Variants in TENM4 observed in about 807,000 individuals in gnomAD.
The protein encoded by TENM4 is teneurin-4.
In TENM4, 82 loss-of-function variants were observed where a neutral mutation model predicts 243.3. That is an observed-to-expected ratio of 0.34 (90% CI 0.28 to 0.40). The LOEUF (loss-of-function observed/expected upper bound fraction) is 0.40. Ranked by LOEUF, TENM4 falls within the 10% of genes least tolerant of loss-of-function variation. TENM4 has a pLI of 1.00. For synonymous variants in TENM4, 1,412 were observed against 1,456.3 expected (o/e 0.97, Z 0.69); for missense variants, 3,138 against 3,673.3 (o/e 0.85, Z 3.77).
At chr11:78,999,043 A>C (rs1201574541) in intron 6 of TENM4, among the ~76,000 whole-genome samples, 1 of 152,224 alleles carries the variant, frequency 6.6e-6, no homozygotes, top group Admixed American at 6.5e-5. Context: ...CATCTGGCTC[A>C]AACACATGGA....
intron 12 of TENM4, among the ~76,000 whole-genome samples, chr11:78,840,156 G>A (rs979738185): frequency 6.6e-6 from 1 of 152,156 alleles, no homozygotes; most frequent in Non-Finnish European, 1.5e-5. Context: ...TCTCCCAAAT[G>A]CAAGCTTTCC....
intron 4 of TENM4, among the ~76,000 whole-genome samples, chr11:79,102,375 C>T (rs922989226): frequency 6.6e-6 from 1 of 152,210 alleles, no homozygotes; most frequent in Admixed American, 6.5e-5. Flanking sequence ...CTTGTTCAAC[C>T]ATGGGCTGGT....
intron 4 of TENM4, among the ~76,000 whole-genome samples, chr11:79,095,187 C>T (rs1348526346): frequency 2.0e-5 from 3 of 152,176 alleles, no homozygotes; most frequent in Non-Finnish European, 4.4e-5. Context: ...GCCCTAGAGC[C>T]AGCCTTCACT....
intron 4 of TENM4, among the ~76,000 whole-genome samples, chr11:79,102,286 G>C (rs1861252035): frequency 6.6e-6 from 1 of 152,194 alleles, no homozygotes; most frequent in Non-Finnish European, 1.5e-5. Flanking sequence ...GGAAAGCTGG[G>C]TTAGACACTT....
intron 1 of TENM4, among the ~76,000 whole-genome samples, chr11:79,328,927 C>T (rs1275332996): frequency 6.6e-6 from 1 of 152,108 alleles, no homozygotes; most frequent in African/African-American, 2.4e-5. Flanking sequence ...TGGGCTGACT[C>T]CAGAGATTCT....
intron 6 of TENM4, among the ~76,000 whole-genome samples, chr11:78,993,622 T>A (rs1010070213): frequency 6.6e-6 from 1 of 152,194 alleles, no homozygotes; most frequent in Non-Finnish European, 1.5e-5. Context: ...TTCATGAAAC[T>A]TTTTATTCCA....
chr11:79,163,308 T>C (rs148740387), intron 3 of TENM4, among the ~76,000 whole-genome samples: 150 of 152,250 alleles, frequency 9.9e-4, no homozygotes, highest in Middle Eastern at 6.8e-3. Context: ...AATCCTATGC[T>C]GTAAACTCAT....
intron 9 of TENM4, 102 bp from the exon 10 acceptor site, chr11:78,863,234 T>A (rs1858869755): frequency 7.9e-7 from 1 of 1,271,128 alleles, no homozygotes; most frequent in Non-Finnish European, 1.0e-6. Flanking sequence ...ACACAGGCAT[T>A]CAGTTCAGTT....
intron 12 of TENM4, among the ~76,000 whole-genome samples, chr11:78,823,159 A>G (rs1435676148): frequency 6.6e-6 from 1 of 152,202 alleles, no homozygotes; most frequent in Non-Finnish European, 1.5e-5. Context: ...GCTCTTCAAG[A>G]GCACTAGGCC....
chr11:78,790,861 G>A (rs983022353), intron 15 of TENM4, among the ~76,000 whole-genome samples: 4 of 152,138 alleles, frequency 2.6e-5, no homozygotes, highest in Non-Finnish European at 4.4e-5. Context: ...AATGAAATGA[G>A]GTCCTCTACA....
rs552115985 is a variant in TENM4, at chr11:78,724,751, T to C, written c.3550+1328A>G. On this transcript the variant is annotated intron_variant, in intron 23 of 33. Transcript: ENST00000278550. ...AAGGCAGCTACATCCACGACTAAGT[T>C]CTTGCAATGGCATGTAAGTAAAAGT... 6.6e-5 allele frequency among the ~76,000 whole-genome samples: 10 copies of C among 152,324 alleles called. No individual in the cohort carries two copies. In the South Asian group the frequency reaches 1.7e-3, roughly 25 times the overall value.
At chr11:79,040,333 A>G (rs1485696964) in intron 6 of TENM4, among the ~76,000 whole-genome samples, 2 of 152,172 alleles carry the variant, frequency 1.3e-5, no homozygotes, top group African/African-American at 4.8e-5. Context: ...CTCAGTTTCA[A>G]CCACTATTCC....
chr11:78,805,547 C>A, intron 14 of TENM4, 55 bp from the exon 15 acceptor site: 2 of 1,537,904 alleles, frequency 1.3e-6, no homozygotes, highest in Non-Finnish European at 8.7e-7. Context: ...AAAGGTGAGG[C>A]TTCTTTAAGC....
chr11:79,151,291 T>G (rs1205051375), intron 3 of TENM4, among the ~76,000 whole-genome samples: 1 of 152,206 alleles, frequency 6.6e-6, no homozygotes, highest in East Asian at 1.9e-4. Flanking sequence ...CTGTGGCAGC[T>G]CTACAATGAT....
intron 4 of TENM4, among the ~76,000 whole-genome samples, chr11:79,129,697 C>A (rs914957202): frequency 6.6e-5 from 10 of 152,072 alleles, no homozygotes; most frequent in African/African-American, 2.4e-4. Flanking sequence ...ACTTGGGAAT[C>A]TCACCCCCAT....
intron 17 of TENM4, among the ~76,000 whole-genome samples, chr11:78,771,822 C>T (rs1353572369): frequency 1.3e-5 from 2 of 152,238 alleles, no homozygotes; most frequent in African/African-American, 4.8e-5. Flanking sequence ...CTAACTAGGG[C>T]TGTCTGTGAG....
chr11:79,229,624 G>A (rs1430333316), intron 2 of TENM4, among the ~76,000 whole-genome samples: 1 of 151,972 alleles, frequency 6.6e-6, no homozygotes, highest in African/African-American at 2.4e-5. Context: ...TAACCACCCT[G>A]CTTACCACCC....
At chr11:79,103,335 G>A (rs1861281437) in intron 4 of TENM4, among the ~76,000 whole-genome samples, 1 of 152,096 alleles carries the variant, frequency 6.6e-6, no homozygotes, top group Admixed American at 6.5e-5. Context: ...ATAACACATT[G>A]TTATTGCACA....
At chr11:79,082,258 A>G (rs1565195976) in intron 4 of TENM4, among the ~76,000 whole-genome samples, 1 of 152,154 alleles carries the variant, frequency 6.6e-6, no homozygotes, top group Non-Finnish European at 1.5e-5. Context: ...CTCCCTTGGC[A>G]TCCTCTAAGT....
Sources: gnomAD v4.1 joint callset for allele counts (sites outside exome capture counted in the v4.1 genomes callset) on GRCh38, gnomAD v4.1.1 for gene constraint, MANE v1.5 for transcripts, NCBI Gene and HGNC (gene_info 2026-07-23, HGNC 2026-07-21) for gene names.